NACC2: variants seen among roughly 807,000 people sequenced by gnomAD.
NACC2 encodes NACC family member 2.
A neutral mutation model predicts 25.1 loss-of-function variants in NACC2; 8 were observed. The observed-to-expected ratio is 0.32, with a 90% confidence interval of 0.19 to 0.57. The LOEUF is 0.57. Among genes scored for constraint, NACC2 ranks in the 20% least tolerant of loss-of-function variants. NACC2 has a pLI of 0.89. For missense variants in NACC2, 644 were observed against 650.2 expected, an observed-to-expected ratio of 0.99 and a Z score of 0.10; for synonymous variants, 435 against 294.7, an observed-to-expected ratio of 1.48 and a Z score of -4.88.
At chr9:136,025,274 C>A (rs1840371114) in intron 2 of NACC2, among the ~76,000 whole-genome samples, 1 of 152,166 alleles carries the variant, frequency 6.6e-6, no homozygotes, top group Non-Finnish European at 1.5e-5. Context: ...ACGCAACAGT[C>A]CCCAGACCCT....
chr9:136,017,706 T>TG (rs1840223792), intron 2 of NACC2, among the ~76,000 whole-genome samples: 1 of 152,210 alleles, frequency 6.6e-6, no homozygotes, highest in Non-Finnish European at 1.5e-5. Flanking sequence ...ACAGCCACCC[T>TG]GCTCAGGTGA....
intron 1 of NACC2, among the ~76,000 whole-genome samples, chr9:136,071,052 A>G (rs1841144405): frequency 6.6e-6 from 1 of 151,426 alleles, no homozygotes; most frequent in Non-Finnish European, 1.5e-5. Context: ...CAACACAGTG[A>G]AACCCATCTC....
intron 2 of NACC2, among the ~76,000 whole-genome samples, chr9:136,042,751 C>CA (rs1193387385): frequency 0.013 from 1,908 of 149,358 alleles, 66 homozygotes; most frequent in Admixed American, 0.059. Context: ...GACACAGAGA[C>CA]AGAGACACAC....
At chr9:136,027,083 G>A (rs943116062) in intron 2 of NACC2, among the ~76,000 whole-genome samples, 2 of 152,126 alleles carry the variant, frequency 1.3e-5, no homozygotes, top group Non-Finnish European at 2.9e-5. Context: ...AGAAACAGCC[G>A]GTGTGGTGGC....
chr9:136,067,411 A>G (rs909745219), intron 1 of NACC2, among the ~76,000 whole-genome samples: 7 of 152,226 alleles, frequency 4.6e-5, no homozygotes, highest in Non-Finnish European at 8.8e-5. Flanking sequence ...TAATGGTTGC[A>G]TAACTCTGAA....
intron 2 of NACC2, among the ~76,000 whole-genome samples, chr9:136,028,039 C>A (rs369250148): frequency 6.6e-6 from 1 of 152,064 alleles, no homozygotes; most frequent in East Asian, 1.9e-4. Flanking sequence ...GTGGGTGGAT[C>A]ACTTGAGGTC....
chr9:136,057,101 C>T (rs897554858), intron 1 of NACC2, among the ~76,000 whole-genome samples: 3 of 152,188 alleles, frequency 2.0e-5, no homozygotes, highest in Non-Finnish European at 4.4e-5. Flanking sequence ...GCAGCAGGCT[C>T]TGCGTCCGAT....
chr9:136,024,976 GACT>G (rs1840366326), intron 2 of NACC2, among the ~76,000 whole-genome samples: 2 of 152,208 alleles, frequency 1.3e-5, no homozygotes, highest in Non-Finnish European at 2.9e-5. Context: ...GATATCTGCT[GACT>G]ACTAAGTAGC....
At chr9:136,070,676 AAAAAC>A (rs957611439) in intron 1 of NACC2, among the ~76,000 whole-genome samples, 15 of 151,376 alleles carry the variant, frequency 9.9e-5, no homozygotes, top group African/African-American at 3.7e-4. Flanking sequence ...CAGAAAAAAA[AAAAAC>A]AAAAACCAAA....
intron 1 of NACC2, among the ~76,000 whole-genome samples, chr9:136,067,219 C>CGCACACAG (rs1304938778): frequency 1.4e-5 from 2 of 146,472 alleles, no homozygotes; most frequent in Admixed American, 7.0e-5. Context: ...GCACCAAGAT[C>CGCACACAG]GCACACAGCC....
At chr9:136,089,081 C>G (rs1830408982) in intron 1 of NACC2, among the ~76,000 whole-genome samples, 1 of 152,240 alleles carries the variant, frequency 6.6e-6, no homozygotes, top group Non-Finnish European at 1.5e-5. Context: ...CTGTCTGTTG[C>G]AGCCCCGCTG....
intron 1 of NACC2, among the ~76,000 whole-genome samples, chr9:136,075,325 G>T (rs539733795): frequency 1.3e-5 from 2 of 152,344 alleles, no homozygotes; most frequent in African/African-American, 2.4e-5. Flanking sequence ...GGATACTTGG[G>T]GGGAAAGCCC....
intron 2 of NACC2, among the ~76,000 whole-genome samples, chr9:136,032,193 T>G (rs1057122640): frequency 3.3e-5 from 5 of 152,190 alleles, no homozygotes; most frequent in Admixed American, 2.6e-4. Context: ...GCGAGCTGCA[T>G]CCAGAGGCAT....
In NACC2 at chr9:136,050,150, G is replaced by C. The variant is rs1229010131; in HGVS notation, c.372C>G (p.Ser124Arg). 1 of 767,672 alleles carries C rather than the reference G, an allele frequency of 1.3e-6. No individual in the cohort carries two copies. The highest frequency in any genetic ancestry group is 2.4e-6 in the Non-Finnish European group (1 of 414,504). 47.6% of individuals were successfully genotyped at this position (767,672 alleles called of 1,614,324 possible). A position where few individuals can be genotyped will look rare whatever the true frequency, so the allele number is the denominator to read the frequency against. The change falls in exon 2 of 6, where the codon AGC becomes AGG. Residue 124 changes from serine (S) to arginine (R), a missense_variant. Transcript: ENST00000277554. Reference protein sequence around the residue: ...ERGTDLMFKVSSPHCDSQTAV... With the variant: ...ERGTDLMFKVRSPHCDSQTAV... ...CGGTCTGCGAGTCGCAGTGGGGCGA[G>C]CTCACCTTGAACATGAGGTCGGTGC... is the stretch of plus-strand genomic sequence containing the variant.
At chr9:136,021,385 CG>C (rs1466306856) in intron 2 of NACC2, among the ~76,000 whole-genome samples, 2 of 152,122 alleles carry the variant, frequency 1.3e-5, no homozygotes, top group African/African-American at 2.4e-5. Context: ...GGCGAGGATG[CG>C]GGGCAGCTGG....
At position 136,086,533 on chromosome 9, in the gene NACC2, C is replaced by T. The variant is rs1228926295; in HGVS notation, c.-60+8656G>A. The stretch of plus-strand genomic sequence containing the variant: ...AGCTTCCCGACAGCCATCTGCCTGC[C>T]AGCACCCAGCCACGGTCCCACCCCG... On this transcript the variant is annotated intron_variant, in intron 1 of 5. Coordinates refer to ENST00000277554, the MANE Select transcript of NACC2 (RefSeq NM_144653.5). The surrounding 1 kb of genome is among the most constrained non-coding windows in gnomAD (Gnocchi z 5.6). Among the ~76,000 whole-genome samples, 1 of 152,198 alleles carries T rather than the reference C, an allele frequency of 6.6e-6. No individual in the cohort carries two copies. Among genetic ancestry groups the T allele is most frequent in the Non-Finnish European group, 1.5e-5 (1 of 68,024 alleles).
chr9:136,094,060 A>G (rs1225399406), intron 1 of NACC2, among the ~76,000 whole-genome samples: 1 of 152,142 alleles, frequency 6.6e-6, no homozygotes, highest in Non-Finnish European at 1.5e-5. Context: ...ACCAAGGTGC[A>G]CGCGCTCCCG....
chr9:136,038,447 G>A (rs1232539976), intron 2 of NACC2, among the ~76,000 whole-genome samples: 1 of 152,206 alleles, frequency 6.6e-6, no homozygotes, highest in Admixed American at 6.5e-5. Flanking sequence ...GGCTGAGATG[G>A]GAAGATGGCT....
chr9:136,041,072 G>A (rs1457069855), intron 2 of NACC2, among the ~76,000 whole-genome samples: 61 of 149,982 alleles, frequency 4.1e-4, no homozygotes, highest in Middle Eastern at 3.4e-3. Flanking sequence ...AGGAAGGAAG[G>A]AAGGAAAGGA....
Sources: gnomAD v4.1 joint callset for allele counts (sites outside exome capture counted in the v4.1 genomes callset) on GRCh38, gnomAD v4.1.1 for gene constraint, Gnocchi (gnomAD v3.1) non-coding constraint, MANE v1.5 for transcripts, NCBI Gene and HGNC (gene_info 2026-07-23, HGNC 2026-07-21) for gene names.